The following NDUFAF6 variants were observed in gnomAD, a reference collection of about 807,000 sequenced individuals.
NDUFAF6 encodes NADH:ubiquinone oxidoreductase complex assembly factor 6.
A neutral mutation model predicts 40.8 loss-of-function variants in NDUFAF6; 45 were observed. The ratio of observed to expected loss-of-function variants is 1.10; its 90% CI spans 0.87 to 1.42. The LOEUF is 1.42. NDUFAF6 is among the 40% of genes most tolerant of loss of function. The pLI is 0.00. For missense variants in NDUFAF6, 435 were observed against 418.5 expected (o/e 1.04, Z -0.34); for synonymous variants, 185 against 155.9 (o/e 1.19, Z -1.39).
chr8:94,903,819 C>T (rs1818189592), intron 1 of NDUFAF6, among the ~76,000 whole-genome samples: 1 of 152,172 alleles, frequency 6.6e-6, no homozygotes, highest in Admixed American at 6.5e-5. Flanking sequence ...ACTATTTACT[C>T]ACTCCTCCCC....
intron 2 of NDUFAF6, chr8:95,034,246 C>G (rs1829212712): frequency 2.8e-6 from 1 of 353,878 alleles, no homozygotes. Context: ...AGTAACTTGA[C>G]TATATCATGA....
intron 3 of NDUFAF6, 136 bp downstream of exon 3, chr8:95,035,712 G>C (rs1829426402): frequency 2.4e-6 from 2 of 846,112 alleles, no homozygotes; most frequent in Admixed American, 2.9e-5. Context: ...ATTCAGAGCT[G>C]TTATAGTTTT....
intron 4 of NDUFAF6, among the ~76,000 whole-genome samples, chr8:95,110,483 A>C: frequency 6.6e-6 from 1 of 152,224 alleles, no homozygotes; most frequent in East Asian, 1.9e-4. Flanking sequence ...GAGTGCTTCT[A>C]TGTTCCAGGC....
chr8:95,093,214 T>C (rs1809327455), intron 2 of NDUFAF6, among the ~76,000 whole-genome samples: 1 of 152,224 alleles, frequency 6.6e-6, no homozygotes, highest in Non-Finnish European at 1.5e-5. Context: ...TTCAGGACCT[T>C]GAACAATCTA....
chr8:95,055,818 A>G (rs1214488112), intron 8 of NDUFAF6, among the ~76,000 whole-genome samples: 1 of 152,234 alleles, frequency 6.6e-6, no homozygotes, highest in Non-Finnish European at 1.5e-5. Flanking sequence ...CTAGGTATAT[A>G]TATTGCAATG....
chr8:95,031,385 TTTGC>T (rs1340703872), intron 1 of NDUFAF6, among the ~76,000 whole-genome samples: 1 of 152,234 alleles, frequency 6.6e-6, no homozygotes, highest in African/African-American at 2.4e-5. Flanking sequence ...CACCCCAATA[TTTGC>T]TTGAACTATT....
chr8:95,041,663 C>G, intron 4 of NDUFAF6, 37 bp downstream of exon 4: 1 of 1,506,728 alleles, frequency 6.6e-7, no homozygotes, highest in Non-Finnish European at 9.2e-7. Flanking sequence ...GTTTTTTCTT[C>G]CTGTTTAATT....
At chr8:95,066,331 G>A (rs1587221384) in intron 9 of NDUFAF6, among the ~76,000 whole-genome samples, 1 of 116,750 alleles carries the variant, frequency 8.6e-6, no homozygotes, top group African/African-American at 3.4e-5. Flanking sequence ...GTCTCACTAT[G>A]TTGCCTGGGC....
intron 2 of NDUFAF6, chr8:94,949,905 G>A (rs985900716): frequency 2.0e-5 from 3 of 152,364 alleles, no homozygotes; most frequent in Non-Finnish European, 4.4e-5. Context: ...CCAGGGTGCT[G>A]GGAGGGGGCC....
intron 3 of NDUFAF6, among the ~76,000 whole-genome samples, chr8:95,039,409 C>CG (rs1829900032): frequency 6.6e-6 from 1 of 151,252 alleles, no homozygotes; most frequent in African/African-American, 2.4e-5. Context: ...GCCAAGATTG[C>CG]GCCATTGCAC....
chr8:94,977,569 A>C (rs1825071172), intron 1 of NDUFAF6, among the ~76,000 whole-genome samples: 1 of 145,996 alleles, frequency 6.8e-6, no homozygotes, highest in Non-Finnish European at 1.5e-5. Flanking sequence ...CGAAGCAGGC[A>C]TAAGAAGGGG....
At chr8:95,032,826 TG>T (rs1829015090) in intron 2 of NDUFAF6, among the ~76,000 whole-genome samples, 2 of 152,290 alleles carry the variant, frequency 1.3e-5, no homozygotes, top group South Asian at 4.1e-4. Flanking sequence ...GATATGAATA[TG>T]GCACCGAGGC....
chr8:94,939,068 C>T (rs1259050231), intron 1 of NDUFAF6, among the ~76,000 whole-genome samples: 2 of 152,186 alleles, frequency 1.3e-5, no homozygotes, highest in African/African-American at 2.4e-5. Flanking sequence ...AAAACCCACA[C>T]ATCTGGTGTC....
At chr8:94,994,518 A>G (rs1826333142) in intron 2 of NDUFAF6, among the ~76,000 whole-genome samples, 1 of 151,516 alleles carries the variant, frequency 6.6e-6, no homozygotes, top group South Asian at 2.1e-4. Context: ...GCCAAGAGCG[A>G]AACTCCATCT....
chr8:94,973,239 C>T (rs1824619786), intron 1 of NDUFAF6, among the ~76,000 whole-genome samples: 1 of 152,200 alleles, frequency 6.6e-6, no homozygotes, highest in Non-Finnish European at 1.5e-5. Flanking sequence ...TTCACTGTGT[C>T]TCAGTATTTT....
chr8:94,957,607 C>T (rs917899030), upstream of NDUFAF6, among the ~76,000 whole-genome samples: 9 of 152,196 alleles, frequency 5.9e-5, no homozygotes, highest in African/African-American at 2.2e-4. Flanking sequence ...CTTCTAGATC[C>T]AGCAAGATGG....
chr8:94,965,389 G>A (rs1443878420), intron 1 of NDUFAF6, among the ~76,000 whole-genome samples: 1 of 152,208 alleles, frequency 6.6e-6, no homozygotes, highest in East Asian at 1.9e-4. Flanking sequence ...TCAGGGCCTT[G>A]ATGGACAGCC....
At chr8:95,040,872 G>C (rs1012611726) in intron 3 of NDUFAF6, 1 of 152,128 alleles carries the variant, frequency 6.6e-6, no homozygotes, top group Non-Finnish European at 1.5e-5. Context: ...CCCATTTCTC[G>C]AGAGCCCTGA....
chr8:95,079,315 C>A (rs1425091945), downstream of NDUFAF6, among the ~76,000 whole-genome samples: 1 of 152,056 alleles, frequency 6.6e-6, no homozygotes, highest in Non-Finnish European at 1.5e-5. Flanking sequence ...GCAATAAATT[C>A]TTTTTAAAAT....
Sources: allele counts gnomAD v4.1 joint callset (sites outside exome capture counted in the v4.1 genomes callset), GRCh38; gene constraint gnomAD v4.1.1; transcripts MANE v1.5; gene names NCBI Gene and HGNC (gene_info 2026-07-23, HGNC 2026-07-21).